Variants in HECW2 observed in about 807,000 individuals in gnomAD.
HECW2 encodes HECT, C2 and WW domain containing E3 ubiquitin protein ligase 2.
A neutral mutation model predicts 175.2 loss-of-function variants in HECW2; 61 were observed. The observed-to-expected ratio is 0.35, with a 90% CI of 0.28 to 0.43. The LOEUF (loss-of-function observed/expected upper bound fraction) is 0.43. HECW2 is among the 20% of genes least tolerant of loss of function. The pLI is 1.00. For synonymous variants in HECW2, 671 were observed against 731.0 expected (o/e 0.92, Z 1.32); for missense variants, 1,524 against 2,000.5 (o/e 0.76, Z 4.54).
At chr2:196,379,704 CAAA>C (rs58907299) in intron 2 of HECW2, among the ~76,000 whole-genome samples, 1 of 52,644 alleles carries the variant, frequency 1.9e-5, no homozygotes, top group Non-Finnish European at 5.5e-5. Flanking sequence ...AAAAAAAAAA[CAAA>C]AAGATTATGG....
intron 3 of HECW2, among the ~76,000 whole-genome samples, chr2:196,342,221 A>G (rs886798942): frequency 2.6e-5 from 4 of 152,002 alleles, no homozygotes; most frequent in African/African-American, 9.7e-5. Context: ...CCTGACCAAC[A>G]TGGAGAAACC....
intron 13 of HECW2, 119 bp from the exon 14 acceptor site, chr2:196,292,869 G>T (rs890402657): frequency 6.5e-6 from 5 of 764,350 alleles, no homozygotes; most frequent in Admixed American, 5.5e-5. Flanking sequence ...TATAAGCTTT[G>T]ACAGAACTCT....
chr2:196,492,142 T>C (rs1044165074), intron 1 of HECW2, among the ~76,000 whole-genome samples: 1 of 152,142 alleles, frequency 6.6e-6, no homozygotes, highest in Non-Finnish European at 1.5e-5. Context: ...TGTTGCAATG[T>C]AAATAGAGAA....
intron 24 of HECW2, among the ~76,000 whole-genome samples, chr2:196,221,155 A>AGCTTTG (rs1167287793): frequency 6.6e-6 from 1 of 151,968 alleles, no homozygotes; most frequent in African/African-American, 2.4e-5. Context: ...TGGTGATTAA[A>AGCTTTG]GTATATATAT....
intron 2 of HECW2, among the ~76,000 whole-genome samples, chr2:196,361,050 G>A (rs898074487): frequency 1.3e-5 from 2 of 152,168 alleles, no homozygotes; most frequent in Admixed American, 6.5e-5. Context: ...GAGAATCACT[G>A]ACTGGCATTT....
At chr2:196,419,689 A>G (rs1695356330) in intron 2 of HECW2, among the ~76,000 whole-genome samples, 1 of 152,186 alleles carries the variant, frequency 6.6e-6, no homozygotes, top group Non-Finnish European at 1.5e-5. Flanking sequence ...GTTCTCAACA[A>G]ATGTTTGTTG....
At chr2:196,362,577 A>G (rs1575463002) in intron 2 of HECW2, among the ~76,000 whole-genome samples, 2 of 152,206 alleles carry the variant, frequency 1.3e-5, no homozygotes, top group Non-Finnish European at 2.9e-5. Context: ...TGGACTTGTG[A>G]TTTCAAACTG....
intron 1 of HECW2, among the ~76,000 whole-genome samples, chr2:196,439,830 A>T (rs762934700): frequency 2.6e-5 from 4 of 152,212 alleles, no homozygotes; most frequent in Non-Finnish European, 4.4e-5. Flanking sequence ...GGAAGAAAAC[A>T]GAGGTGGGGA....
rs558504323 is a variant in HECW2, at chr2:196,579,925, A to C, written c.-36+13583T>G. On this transcript the variant is annotated intron_variant, in intron 1 of 28. Coordinates refer to ENST00000644978, the MANE Select transcript of HECW2 (RefSeq NM_001348768.2). ...ACTTCCAGCCTCCAGAATTGCAAGA[A>C]AATAAATTTCTGTTGTGTAAGTCAC... Among the ~76,000 whole-genome samples, 4 of 152,322 alleles carry C rather than the reference A, an allele frequency of 2.6e-5. No homozygotes were observed. The South Asian group carries it at 8.3e-4, about 32-fold the overall frequency.
At chr2:196,521,729 A>G (rs1035221532) in intron 1 of HECW2, among the ~76,000 whole-genome samples, 11 of 147,874 alleles carry the variant, frequency 7.4e-5, no homozygotes, top group South Asian at 6.5e-4. Flanking sequence ...GAGAATATGC[A>G]GTGTTTGGTT....
intron 1 of HECW2, among the ~76,000 whole-genome samples, chr2:196,450,713 T>C (rs1192539462): frequency 1.3e-5 from 2 of 152,006 alleles, no homozygotes; most frequent in Admixed American, 1.3e-4. Flanking sequence ...ACTCCTGACC[T>C]CAGGTGATCC....
At chr2:196,566,082 C>T (rs1372933808) in intron 1 of HECW2, among the ~76,000 whole-genome samples, 1 of 151,772 alleles carries the variant, frequency 6.6e-6, no homozygotes. Context: ...GAATATCTTG[C>T]CAAATAAATG....
chr2:196,211,393 A>G (rs1029714532), intron 28 of HECW2, among the ~76,000 whole-genome samples: 2 of 152,164 alleles, frequency 1.3e-5, no homozygotes, highest in African/African-American at 2.4e-5. Context: ...TGCAAAATAC[A>G]GAGCTAACCA....
intron 26 of HECW2, among the ~76,000 whole-genome samples, chr2:196,219,729 T>C (rs1687599354): frequency 6.6e-6 from 1 of 152,226 alleles, no homozygotes; most frequent in Non-Finnish European, 1.5e-5. Flanking sequence ...AGCTGGATGT[T>C]AGCTCCTTGG....
chr2:196,317,363 T>G lies in HECW2; in HGVS notation c.2345A>C (p.Gln782Pro). 1 of 1,611,100 alleles carries G rather than the reference T, an allele frequency of 6.2e-7. No homozygotes were observed. The highest frequency in any genetic ancestry group is 1.7e-4 in the Middle Eastern group (1 of 6,058). Residue 782 changes from glutamine (Q) to proline (P), a missense_variant, in exon 10 of 29, where the codon CAA (glutamine) becomes CCA (proline). Gln to Pro is a moderately conservative substitution (Grantham distance 76). Around this residue, in one of 11 missense-constraint regions of HECW2, gnomAD observed 82 missense variants for 124.4 expected, o/e 0.66. Coordinates refer to ENST00000644978, the MANE Select transcript of HECW2 (RefSeq NM_001348768.2). ...AQEEGATGGS[Q>P]ANGHQPLRSL... ...TCGCAGTGGCTGGTGGCCGTTGGCT[T>G]GAGAACCTAGGATTAAAGGTAGAAA... is the stretch of plus-strand genomic sequence containing the variant.
chr2:196,513,041 C>G (rs7602752), intron 1 of HECW2, among the ~76,000 whole-genome samples: 2 of 152,068 alleles, frequency 1.3e-5, no homozygotes, highest in South Asian at 4.1e-4. Context: ...ACCAAGAAAA[C>G]AAAAAACTAT....
intron 13 of HECW2, among the ~76,000 whole-genome samples, chr2:196,300,104 G>C (rs1394759579): frequency 6.6e-6 from 1 of 152,152 alleles, no homozygotes; most frequent in African/African-American, 2.4e-5. Context: ...CATAGTGGGC[G>C]TATTAACACT....
chr2:196,448,318 A>C (rs778378989), intron 1 of HECW2, among the ~76,000 whole-genome samples: 1 of 152,060 alleles, frequency 6.6e-6, no homozygotes, highest in Non-Finnish European at 1.5e-5. Context: ...CCTCACTCCC[A>C]TGTTATCATG....
chr2:196,383,500 G>A (rs1188570109), intron 2 of HECW2, among the ~76,000 whole-genome samples: 1 of 152,192 alleles, frequency 6.6e-6, no homozygotes, highest in African/African-American at 2.4e-5. Context: ...AGAAGAGAGA[G>A]CAAAGGACAA....
Sources: allele counts gnomAD v4.1 joint callset (sites outside exome capture counted in the v4.1 genomes callset), GRCh38; gene constraint gnomAD v4.1.1; regional missense constraint gnomAD v4.1.1; transcripts MANE v1.5; gene names NCBI Gene and HGNC (gene_info 2026-07-23, HGNC 2026-07-21).